The following STON2 variants were observed in gnomAD, a reference collection of about 807,000 sequenced individuals.
The protein encoded by STON2 is stonin-2.
STON2 carries 29 observed loss-of-function variants against 65.7 expected under a neutral mutation model. The observed-to-expected ratio is 0.44, with a 90% CI of 0.33 to 0.60. STON2 has a LOEUF of 0.60. Among genes scored for constraint, STON2 ranks in the 20% least tolerant of loss-of-function variants. STON2 has a pLI of 0.03. For missense variants in STON2, 1,054 were observed against 1,118.1 expected (o/e 0.94, Z 0.82); for synonymous variants, 404 against 414.2 (o/e 0.98, Z 0.30).
At chr14:81,407,870 A>C (rs1224391300) in intron 2 of STON2, among the ~76,000 whole-genome samples, 1 of 152,238 alleles carries the variant, frequency 6.6e-6, no homozygotes, top group African/African-American at 2.4e-5. Context: ...GACACAAGAT[A>C]ATAACAAGCT....
At chr14:81,268,532 A>G in intron 7 of STON2, 35 bp from the exon 8 acceptor site, 2 of 1,288,262 alleles carry the variant, frequency 1.6e-6, no homozygotes, top group Non-Finnish European at 2.0e-6. Flanking sequence ...AAAGATCAAA[A>G]AGAAGAGAAA....
rs557051053 is a variant in STON2, at chr14:81,286,386, G to A, written c.743-7647C>T. Reference sequence around the variant, plus strand: ...TTGTTTTACATTAAGAAATCGTCACGGCCATTCCAACCCTCAGCAGCCACC... The same window carrying A: ...TTGTTTTACATTAAGAAATCGTCACAGCCATTCCAACCCTCAGCAGCCACC... On this transcript the variant is annotated intron_variant, in intron 5 of 7. Coordinates refer to ENST00000614646, the MANE Select transcript of STON2 (RefSeq NM_001394390.1). Among the ~76,000 whole-genome samples, 63 of 152,182 alleles carry A rather than the reference G, an allele frequency of 4.1e-4. 1 individual carries two copies. In the South Asian group the frequency reaches 0.012, roughly 30 times the overall value.
intron 4 of STON2, among the ~76,000 whole-genome samples, chr14:81,326,846 T>C (rs926706487): frequency 2.6e-5 from 4 of 152,246 alleles, no homozygotes; most frequent in African/African-American, 9.6e-5. Flanking sequence ...AGTGTCTTCA[T>C]AGTTTGAGAC....
chr14:81,371,198 CAAAAA>C lies in STON2; in HGVS notation c.374-18_374-14del. On this transcript the variant is annotated splice_polypyrimidine_tract_variant and intron_variant, in intron 3 of 7. Transcript: ENST00000614646. Reference sequence around the variant, plus strand: ...GTCAATGGTAGGGCTGGGGAGAGACCAAAAACCAAAAGCATACAATATAAATAGTT... The same window carrying C: ...GTCAATGGTAGGGCTGGGGAGAGACCCCAAAAGCATACAATATAAATAGTT... 6.2e-7 allele frequency: 1 copy of C among 1,610,530 alleles called. No homozygotes were observed. The highest frequency in any genetic ancestry group is 2.2e-5 in the East Asian group (1 of 44,854).
At chr14:81,314,256 C>T in intron 5 of STON2, among the ~76,000 whole-genome samples, 1 of 152,222 alleles carries the variant, frequency 6.6e-6, no homozygotes, top group Non-Finnish European at 1.5e-5. Context: ...AACCCAGTGC[C>T]CTTTTGACTA....
In STON2 at chr14:81,270,734, A is replaced by C. The variant is rs199741806; in HGVS notation, c.2720T>G (p.Ile907Ser). The change falls in exon 7 of 8, where the codon ATC becomes AGC. Residue 907 changes from isoleucine to serine, a missense_variant. Coordinates refer to ENST00000614646, the MANE Select transcript of STON2 (RefSeq NM_001394390.1). ...GACGTCAGTCTTGTCTTCTACAGAG[A>C]TAGATCTCACGCTGGCTTTGGAGGC... Reference protein sequence around the residue: ...TSASKASVRSISVEDKTDVRK... With the variant: ...TSASKASVRSSSVEDKTDVRK... The C allele has an allele frequency of 5.6e-6, 9 of 1,614,156 alleles. No individual in the cohort carries two copies. The East Asian group carries it at 1.8e-4, about 32-fold the overall frequency.
chr14:81,339,194 A>G (rs1595369422), intron 4 of STON2, among the ~76,000 whole-genome samples: 1 of 152,206 alleles, frequency 6.6e-6, no homozygotes, highest in South Asian at 2.1e-4. Flanking sequence ...GCACCTAGGT[A>G]GGTTCTTTGT....
chr14:81,391,270 A>T (rs956375008), intron 3 of STON2, among the ~76,000 whole-genome samples: 1 of 152,232 alleles, frequency 6.6e-6, no homozygotes, highest in Non-Finnish European at 1.5e-5. Context: ...ACTTGCTGCA[A>T]ACATCTGTGT....
At chr14:81,282,117 A>G (rs1393566720) in intron 5 of STON2, among the ~76,000 whole-genome samples, 1 of 152,230 alleles carries the variant, frequency 6.6e-6, no homozygotes, top group African/African-American at 2.4e-5. Context: ...GCATGCAACG[A>G]TGTACACAGT....
At chr14:81,347,550 G>T (rs2140306812) in intron 4 of STON2, among the ~76,000 whole-genome samples, 1 of 133,576 alleles carries the variant, frequency 7.5e-6, no homozygotes, top group South Asian at 2.6e-4. Context: ...GAAGAGTAGA[G>T]AATTCTTCCT....
intron 5 of STON2, among the ~76,000 whole-genome samples, chr14:81,288,824 T>TC (rs1555395991): frequency 6.7e-6 from 1 of 150,274 alleles, no homozygotes; most frequent in African/African-American, 2.5e-5. Context: ...GGAAAAAGGG[T>TC]GGGGGGGTCT....
intron 1 of STON2, among the ~76,000 whole-genome samples, chr14:81,434,946 G>GTT (rs542759632): frequency 4.8e-4 from 73 of 151,952 alleles, no homozygotes; most frequent in African/African-American, 1.7e-3. Context: ...GTGTGGTTGA[G>GTT]TTTTTTTTCT....
chr14:81,419,275 T>C (rs1850681494), intron 2 of STON2, among the ~76,000 whole-genome samples: 1 of 152,196 alleles, frequency 6.6e-6, no homozygotes, highest in Non-Finnish European at 1.5e-5. Flanking sequence ...CTTTTCCAGA[T>C]GAGGAAACTA....
intron 4 of STON2, among the ~76,000 whole-genome samples, chr14:81,331,255 G>C (rs1002633514): frequency 6.6e-6 from 1 of 152,240 alleles, no homozygotes; most frequent in Non-Finnish European, 1.5e-5. Context: ...GTACTTGCTG[G>C]AAGCAAGAAA....
At chr14:81,367,683 C>G (rs1467102816) in intron 4 of STON2, among the ~76,000 whole-genome samples, 1 of 152,210 alleles carries the variant, frequency 6.6e-6, no homozygotes, top group Non-Finnish European at 1.5e-5. Flanking sequence ...TGGGTTATTA[C>G]AGCTCAGGAT....
At chr14:81,368,237 A>T (rs1392995461) in intron 4 of STON2, among the ~76,000 whole-genome samples, 5 of 152,148 alleles carry the variant, frequency 3.3e-5, no homozygotes, top group African/African-American at 4.8e-5. Flanking sequence ...AATTCAGGTC[A>T]TCCATTTCTC....
At chr14:81,270,347 A>T in intron 7 of STON2, 1 of 1,256,688 alleles carries the variant, frequency 8.0e-7, no homozygotes. Context: ...CACCTCCCAA[A>T]GTGCTGGGAT....
intron 5 of STON2, among the ~76,000 whole-genome samples, chr14:81,283,416 G>A (rs1244017650): frequency 1.3e-5 from 2 of 152,000 alleles, no homozygotes; most frequent in East Asian, 3.9e-4. Flanking sequence ...GGAGTGGCAA[G>A]AACAAATGTT....
At chr14:81,397,027 C>G (rs1462110873) in intron 2 of STON2, among the ~76,000 whole-genome samples, 2 of 152,150 alleles carry the variant, frequency 1.3e-5, no homozygotes, top group African/African-American at 2.4e-5. Flanking sequence ...CACTGCACTC[C>G]AGCCTGGGCA....
Sources: gnomAD v4.1 joint callset for allele counts (sites outside exome capture counted in the v4.1 genomes callset) on GRCh38, gnomAD v4.1.1 for gene constraint, MANE v1.5 for transcripts, NCBI Gene and HGNC (gene_info 2026-07-23, HGNC 2026-07-21) for gene names.